Variants in TLE4 observed in about 807,000 individuals in gnomAD.
TLE4 encodes the protein transducin-like enhancer protein 4.
TLE4 carries 8 observed loss-of-function variants against 92.8 expected under a neutral mutation model. That is an observed-to-expected ratio of 0.09 (90% CI 0.05 to 0.16). The LOEUF is 0.16. Among genes scored for constraint, TLE4 ranks in the 10% least tolerant of loss-of-function variants. TLE4 has a pLI of 1.00. For missense variants in TLE4, 675 were observed against 997.6 expected, an observed-to-expected ratio of 0.68 and a Z score of 4.36; for synonymous variants, 371 against 374.1, an observed-to-expected ratio of 0.99 and a Z score of 0.10.
intron 17 of TLE4, 74 bp from the exon 18 acceptor site, chr9:79,722,377 A>AAGAGATAGTACCTCCC: frequency 6.6e-7 from 1 of 1,518,342 alleles, no homozygotes; most frequent in Non-Finnish European, 9.0e-7. Flanking sequence ...GTATCTACAG[A>AAGAGATAGTACCTCCC]AGAGATAGTA....
At chr9:79,638,459 A>G (rs967267340) in intron 6 of TLE4, among the ~76,000 whole-genome samples, 11 of 151,988 alleles carry the variant, frequency 7.2e-5, no homozygotes, top group African/African-American at 1.9e-4. Context: ...TTTGACCCCA[A>G]CCTCTTAAGA....
intron 9 of TLE4, 66 bp downstream of exon 9, chr9:79,704,968 T>A: frequency 6.3e-7 from 1 of 1,598,000 alleles, no homozygotes; most frequent in Non-Finnish European, 8.5e-7. Context: ...CATTTTACCC[T>A]TTGACTATTA....
intron 5 of TLE4, among the ~76,000 whole-genome samples, chr9:79,622,302 C>G (rs1163176195): frequency 6.6e-6 from 1 of 152,108 alleles, no homozygotes; most frequent in East Asian, 1.9e-4. Flanking sequence ...CTATGAAATT[C>G]TACTCTGCTT....
chr9:79,680,468 A>G (rs1252238142), intron 8 of TLE4, among the ~76,000 whole-genome samples: 1 of 152,108 alleles, frequency 6.6e-6, no homozygotes, highest in African/African-American at 2.4e-5. Flanking sequence ...ATTTTTGCAC[A>G]TTGATTTTGT....
intron 4 of TLE4, among the ~76,000 whole-genome samples, chr9:79,579,692 G>A (rs977133098): frequency 6.6e-6 from 1 of 151,884 alleles, no homozygotes; most frequent in African/African-American, 2.4e-5. Context: ...ATATATATAT[G>A]TATATTTAAT....
chr9:79,587,131 T>C (rs2041320350), intron 4 of TLE4, among the ~76,000 whole-genome samples: 1 of 152,228 alleles, frequency 6.6e-6, no homozygotes, highest in South Asian at 2.1e-4. Context: ...CCTAAAACAA[T>C]GCCTGGAATA....
chr9:79,615,296 T>C (rs1398793437), intron 5 of TLE4, among the ~76,000 whole-genome samples: 1 of 152,204 alleles, frequency 6.6e-6, no homozygotes, highest in African/African-American at 2.4e-5. Flanking sequence ...GTGCCAGGAC[T>C]GAAGGCTCTT....
chr9:79,602,669 A>T, intron 4 of TLE4, among the ~76,000 whole-genome samples: 1 of 152,218 alleles, frequency 6.6e-6, no homozygotes, highest in Non-Finnish European at 1.5e-5. Context: ...CTAGTCACCC[A>T]AGAGCTCTGA....
In TLE4 at chr9:79,663,966, A is replaced by G. The variant is rs558456402; in HGVS notation, c.609+9891A>G. Among the ~76,000 whole-genome samples, 594 of 152,324 alleles carry G rather than the reference A, an allele frequency of 3.9e-3. 4 individuals carry two copies. Among genetic ancestry groups the G allele is most frequent in the Non-Finnish European group, 4.9e-3 (334 of 68,026 alleles). ...ACTTCATAAAGCCAATAAAGCGCGC[A>G]CTGGTGGTCTCCCGTTGCCCTAGCA... is the stretch of plus-strand genomic sequence containing the variant. On this transcript the variant is annotated intron_variant, in intron 8 of 19. Coordinates refer to ENST00000376552, the MANE Select transcript of TLE4 (RefSeq NM_007005.6).
At chr9:79,599,152 T>C (rs554587594) in intron 4 of TLE4, among the ~76,000 whole-genome samples, 6 of 152,332 alleles carry the variant, frequency 3.9e-5, no homozygotes, top group Admixed American at 6.5e-5. Context: ...CTGGTACTTA[T>C]CATAACTTTC....
Position 79,725,192 on chromosome 9 carries a change from C to T in TLE4, c.*48C>T, listed in dbSNP as rs925179081. ...GACTTCTCCTCCTGGTAGCACTTTG[C>T]TCTGTCATCCTTTTTGTTCACCCCC... is the stretch of plus-strand genomic sequence containing the variant. On this transcript the variant is annotated 3_prime_UTR_variant, in exon 20 of 20. Transcript: ENST00000376552. 1.4e-6 allele frequency: 2 copies of T among 1,391,260 alleles called. No individual in the cohort carries two copies. Among genetic ancestry groups the T allele is most frequent in the Non-Finnish European group, 2.0e-6 (2 of 981,690 alleles). The allele number at this position is 1,391,260 out of a possible 1,614,324, so 86.2% of individuals were successfully genotyped here.
chr9:79,699,179 G>C (rs2135737180), intron 8 of TLE4, among the ~76,000 whole-genome samples: 1 of 152,284 alleles, frequency 6.6e-6, no homozygotes, highest in East Asian at 1.9e-4. Context: ...AGAGTCACCA[G>C]TGTTCATTTT....
chr9:79,648,374 A>G (rs1234508210), intron 6 of TLE4, among the ~76,000 whole-genome samples: 2 of 152,098 alleles, frequency 1.3e-5, no homozygotes. Flanking sequence ...ATGAATAACA[A>G]TGCCTTTATG....
chr9:79,708,499 T>G, intron 12 of TLE4, 94 bp from the exon 13 acceptor site: 1 of 1,279,618 alleles, frequency 7.8e-7, no homozygotes, highest in East Asian at 2.3e-5. Context: ...TAAGCTCATT[T>G]GAACCATAGA....
chr9:79,620,697 CTG>C (rs1457463874), intron 5 of TLE4, among the ~76,000 whole-genome samples: 1 of 152,114 alleles, frequency 6.6e-6, no homozygotes, highest in African/African-American at 2.4e-5. Context: ...TCTTGGGTGA[CTG>C]TGTTGGGCTG....
chr9:79,584,174 C>T (rs1163211182), intron 4 of TLE4, among the ~76,000 whole-genome samples: 2 of 152,176 alleles, frequency 1.3e-5, no homozygotes, highest in Non-Finnish European at 2.9e-5. Context: ...TTCCAAACAG[C>T]AAATAACATG....
rs886243855 is a variant in TLE4, at chr9:79,693,731, T to A, written c.610-11052T>A. On this transcript the variant is annotated intron_variant, in intron 8 of 19. Coordinates refer to ENST00000376552, the MANE Select transcript of TLE4 (RefSeq NM_007005.6). Reference sequence around the variant, plus strand: ...AAACACTTATGAATTGTCCTTGCATTAAAAAGTGCATCATGTCCTTCGAAC... The same window carrying A: ...AAACACTTATGAATTGTCCTTGCATAAAAAAGTGCATCATGTCCTTCGAAC... 2.5e-4 allele frequency: 119 copies of A among 477,858 alleles called. No individual in the cohort carries two copies. In the Middle Eastern group the frequency reaches 2.8e-3, roughly 11 times the overall value. The allele number at this position is 477,858 out of a possible 1,614,324, so 29.6% of individuals were successfully genotyped here. A position where few individuals can be genotyped will look rare whatever the true frequency, so the allele number is the denominator to read the frequency against.
At chr9:79,573,348 C>T (rs767775838) in intron 1 of TLE4, 5 of 1,105,104 alleles carry the variant, frequency 4.5e-6, no homozygotes, top group South Asian at 3.0e-5. Context: ...CGGGTCCCCC[C>T]GACGGGCCAG....
chr9:79,664,802 C>T (rs1352052520), intron 8 of TLE4, among the ~76,000 whole-genome samples: 1 of 152,122 alleles, frequency 6.6e-6, no homozygotes, highest in African/African-American at 2.4e-5. Context: ...CCTGTCAATA[C>T]CAGATGTTCA....
Sources: gnomAD v4.1 joint callset for allele counts (sites outside exome capture counted in the v4.1 genomes callset) on GRCh38, gnomAD v4.1.1 for gene constraint, MANE v1.5 for transcripts, NCBI Gene and HGNC (gene_info 2026-07-23, HGNC 2026-07-21) for gene names.